The following DCTN5 variants were observed in gnomAD, a reference collection of about 807,000 sequenced individuals.
DCTN5 encodes the protein dynactin 4.
Under a neutral mutation model 23.5 loss-of-function variants are expected in DCTN5, and 14 were observed. That is an observed-to-expected ratio of 0.60 (90% CI 0.39 to 0.93). DCTN5 has a LOEUF of 0.93. DCTN5 is among the 40% of genes least tolerant of loss of function. The pLI, the probability that DCTN5 is intolerant of heterozygous loss-of-function variation, is 0.00. For synonymous variants in DCTN5, 67 were observed against 79.6 expected (o/e 0.84, Z 0.84); for missense variants, 156 against 225.9 (o/e 0.69, Z 1.98).
Position 23,665,698 on chromosome 16 carries a change from C to G in DCTN5, c.421C>G (p.Pro141Ala), listed in dbSNP as rs1345066616. ...AGTATTACCTCCAGAAACTGTGGTT[C>G]CACCATTCACTGTCTTCTCAGGCTG... The part of the protein sequence containing the change: ...NTVLPPETVV[P>A]PFTVFSGCPG... The change falls in exon 5 of 6, where the codon CCA (proline) becomes GCA (alanine). Residue 141 changes from proline (P) to alanine (A), a missense_variant. Physicochemically the swap from Pro to Ala is conservative, Grantham distance 27. This residue lies in a region of DCTN5 where 153 missense variants were observed against 206.8 expected (regional missense o/e 0.74). Coordinates refer to ENST00000300087, the MANE Select transcript of DCTN5 (RefSeq NM_032486.4). 1.2e-6 allele frequency: 2 copies of G among 1,614,100 alleles called. No individual in the cohort carries two copies. Among genetic ancestry groups the G allele is most frequent in the Admixed American group, 1.7e-5 (1 of 60,006 alleles).
intron 2 of DCTN5, among the ~76,000 whole-genome samples, chr16:23,657,750 T>A (rs968472315): frequency 9.2e-5 from 14 of 152,168 alleles, no homozygotes; most frequent in South Asian, 6.2e-4. Flanking sequence ...CCAGAAAAAA[T>A]TTTTTAATGA....
At position 23,669,787 on chromosome 16, in the gene DCTN5, G is replaced by A. The variant is rs1339456718; in HGVS notation, c.*2643G>A. 6.6e-6 allele frequency: 1 copy of A among 152,232 alleles called. No homozygotes were observed. The highest frequency in any genetic ancestry group is 2.4e-5 in the African/African-American group (1 of 41,422). 9.4% of individuals were successfully genotyped at this position (152,232 alleles called of 1,614,324 possible). Reference sequence around the variant, plus strand: ...AGGATACTCCACTGGGGGTACCTGAGCCTGGATTAGAGGGCAGGGGGAGGA... The same window carrying A: ...AGGATACTCCACTGGGGGTACCTGAACCTGGATTAGAGGGCAGGGGGAGGA... On this transcript the variant is annotated 3_prime_UTR_variant, in exon 6 of 6. Transcript: ENST00000300087.
rs1218502016 is a variant in DCTN5 at position 23,675,078 on chromosome 16, A to C, written c.*7934A>C. The C allele has an allele frequency of 6.6e-6, 1 of 152,198 alleles. No homozygotes were observed. The highest frequency in any genetic ancestry group is 1.5e-5 in the Non-Finnish European group (1 of 68,042). The allele number at this position is 152,198 out of a possible 1,614,324, so 9.4% of individuals were successfully genotyped here. A position where few individuals can be genotyped will look rare whatever the true frequency, so the allele number is the denominator to read the frequency against. On this transcript the variant is annotated 3_prime_UTR_variant, in exon 6 of 6. Coordinates refer to ENST00000300087, the MANE Select transcript of DCTN5 (RefSeq NM_032486.4). ...CATTTTGAGGTACAGGTAGATGGTTAGGGCTTCAGCATGAATTTTTGTGGG... is the reference window on the plus strand; with the variant it reads ...CATTTTGAGGTACAGGTAGATGGTTCGGGCTTCAGCATGAATTTTTGTGGG...
chr16:23,657,151 C>T (rs1967720489), intron 2 of DCTN5, among the ~76,000 whole-genome samples: 1 of 152,104 alleles, frequency 6.6e-6, no homozygotes, highest in Non-Finnish European at 1.5e-5. Flanking sequence ...GTATGTTAAT[C>T]CTTTGTTTAA....
rs991927085 is a variant in DCTN5, at chr16:23,672,493, C to T, written c.*5349C>T. On this transcript the variant is annotated 3_prime_UTR_variant, in exon 6 of 6. Coordinates refer to ENST00000300087, the MANE Select transcript of DCTN5 (RefSeq NM_032486.4). Reference sequence around the variant, plus strand: ...AGTCTATTGAGTTTAACCGACAGATCATACTGTGTTTTGGTAGGGAGGGAG... The same window carrying T: ...AGTCTATTGAGTTTAACCGACAGATTATACTGTGTTTTGGTAGGGAGGGAG... 2.6e-5 allele frequency: 4 copies of T among 152,136 alleles called. No individual in the cohort carries two copies. The highest frequency in any genetic ancestry group is 9.7e-5 in the African/African-American group (4 of 41,406). 9.4% of individuals were successfully genotyped at this position (152,136 alleles called of 1,614,324 possible).
chr16:23,642,066 G>A (rs1967289419), intron 1 of DCTN5, among the ~76,000 whole-genome samples: 2 of 152,018 alleles, frequency 1.3e-5, no homozygotes, highest in Non-Finnish European at 2.9e-5. Flanking sequence ...CGAGTAGCTG[G>A]GATTACAGGC....
Position 23,677,111 on chromosome 16 carries a change from G to A in DCTN5, c.*9967G>A, listed in dbSNP as rs1959233368. 1.3e-5 allele frequency: 2 copies of A among 152,264 alleles called. No individual in the cohort carries two copies. Among genetic ancestry groups the A allele is most frequent in the African/African-American group, 4.8e-5 (2 of 41,458 alleles). 9.4% of individuals were successfully genotyped at this position (152,264 alleles called of 1,614,324 possible). ...TGTGACTCTGCTGGGAGAGGACTGTGGGAGGCTTACACCTGGTTTCCCTGG... is the reference window on the plus strand; with the variant it reads ...TGTGACTCTGCTGGGAGAGGACTGTAGGAGGCTTACACCTGGTTTCCCTGG... On this transcript the variant is annotated 3_prime_UTR_variant, in exon 6 of 6. Transcript: ENST00000300087.
chr16:23,661,751 T>TAAAA lies in DCTN5; in HGVS notation c.348+472_348+475dup, dbSNP rs986689057. 5.3e-5 allele frequency among the ~76,000 whole-genome samples: 8 copies of TAAAA among 151,204 alleles called. 1 individual carries two copies. The highest frequency in any genetic ancestry group is 4.2e-4 in the South Asian group (2 of 4,776). ...ATAAATAAATAAATAAATAAATAAATAAAAAGATTTGGAATATTTTCTAGA... is the reference window on the plus strand; with the variant it reads ...ATAAATAAATAAATAAATAAATAAATAAAAAAAAAGATTTGGAATATTTTCTAGA... On this transcript the variant is annotated intron_variant, in intron 4 of 5. Transcript: ENST00000300087.
At chr16:23,666,564 C>T (rs1967910310) in intron 5 of DCTN5, 1 of 161,320 alleles carries the variant, frequency 6.2e-6, no homozygotes, top group African/African-American at 2.4e-5. Flanking sequence ...TCTTCTTCTC[C>T]ATGTTGTTTT....
rs574393051 is a variant in DCTN5 at position 23,674,267 on chromosome 16, C to T, written c.*7123C>T. On this transcript the variant is annotated 3_prime_UTR_variant, in exon 6 of 6. Transcript: ENST00000300087. ...TCCGTGGAGCGCTAAACTATGAAAA[C>T]GTCCTGGAACCTGGCTGAAAAGGGC... 6.6e-6 allele frequency: 1 copy of T among 152,304 alleles called. No homozygotes were observed. Among genetic ancestry groups the T allele is most frequent in the Non-Finnish European group, 1.5e-5 (1 of 68,032 alleles). The allele number at this position is 152,304 out of a possible 1,614,324, so 9.4% of individuals were successfully genotyped here.
chr16:23,647,496 T>C (rs1967492731), intron 2 of DCTN5, among the ~76,000 whole-genome samples: 1 of 123,216 alleles, frequency 8.1e-6, no homozygotes, highest in Non-Finnish European at 1.6e-5. Context: ...GGCTGTTTGC[T>C]TTTTTTTTTT....
chr16:23,672,168 T>G lies in DCTN5; in HGVS notation c.*5024T>G, dbSNP rs939135931. ...GAGAGCCCCAGGAACTGAAAAGGCC[T>G]GTGAGAGACTCTGAGCTTCCTGGGA... On this transcript the variant is annotated 3_prime_UTR_variant, in exon 6 of 6. Transcript: ENST00000300087. 1.3e-5 allele frequency: 2 copies of G among 152,214 alleles called. No homozygotes were observed. Among genetic ancestry groups the G allele is most frequent in the African/African-American group, 4.8e-5 (2 of 41,442 alleles). 9.4% of individuals were successfully genotyped at this position (152,214 alleles called of 1,614,324 possible). A position where few individuals can be genotyped will look rare whatever the true frequency, so the allele number is the denominator to read the frequency against.
rs971926430 is a variant in DCTN5 at position 23,673,548 on chromosome 16, G to A, written c.*6404G>A. The A allele has an allele frequency of 1.3e-5, 2 of 152,186 alleles. No homozygotes were observed. Among genetic ancestry groups the A allele is most frequent in the East Asian group, 1.9e-4 (1 of 5,204 alleles). 9.4% of individuals were successfully genotyped at this position (152,186 alleles called of 1,614,324 possible). A position where few individuals can be genotyped will look rare whatever the true frequency, so the allele number is the denominator to read the frequency against. On this transcript the variant is annotated 3_prime_UTR_variant, in exon 6 of 6. Coordinates refer to ENST00000300087, the MANE Select transcript of DCTN5 (RefSeq NM_032486.4). ...CTTAAAAAACATACCTTAGCTGGAC[G>A]CAGTGGCGTGCGCCTGTAGTCCCAG... is the stretch of plus-strand genomic sequence containing the variant.
Position 23,675,680 on chromosome 16 carries a change from G to A in DCTN5, c.*8536G>A, listed in dbSNP as rs1968075348. 6.6e-6 allele frequency: 1 copy of A among 152,094 alleles called. No homozygotes were observed. Among genetic ancestry groups the A allele is most frequent in the African/African-American group, 2.4e-5 (1 of 41,422 alleles). 9.4% of individuals were successfully genotyped at this position (152,094 alleles called of 1,614,324 possible). On this transcript the variant is annotated 3_prime_UTR_variant, in exon 6 of 6. Transcript: ENST00000300087. ...GAAAATAATTAAAGCCTGGCACCTGGGGAGGCTTGATCCCTGGAAGCCTCC... is the reference window on the plus strand; with the variant it reads ...GAAAATAATTAAAGCCTGGCACCTGAGGAGGCTTGATCCCTGGAAGCCTCC...
Position 23,677,429 on chromosome 16 carries a change from TA to T in DCTN5, c.*10288del. On this transcript the variant is annotated 3_prime_UTR_variant, in exon 6 of 6. Transcript: ENST00000300087. ...TGTACATTTTTTTCTGTAAGTGTAT[TA>T]AATTTCAATAAAAAGAATTCACACT... 6.6e-6 allele frequency: 1 copy of T among 152,374 alleles called. No individual in the cohort carries two copies. The highest frequency in any genetic ancestry group is 1.9e-4 in the East Asian group (1 of 5,196). 9.4% of individuals were successfully genotyped at this position (152,374 alleles called of 1,614,324 possible). A position where few individuals can be genotyped will look rare whatever the true frequency, so the allele number is the denominator to read the frequency against.
intron 4 of DCTN5, among the ~76,000 whole-genome samples, chr16:23,661,975 C>T (rs1172218536): frequency 6.6e-5 from 10 of 150,900 alleles, no homozygotes; most frequent in East Asian, 3.9e-4. Flanking sequence ...CAGCACTTTG[C>T]GAGGCCAAGG....
At chr16:23,646,662 C>T (rs191643891) in intron 2 of DCTN5, among the ~76,000 whole-genome samples, 10 of 152,118 alleles carry the variant, frequency 6.6e-5, no homozygotes, top group East Asian at 3.9e-4. Flanking sequence ...CTGCAACCTC[C>T]GCCTCCTGGG....
rs1968027059 is a variant in DCTN5 at position 23,672,624 on chromosome 16, G to A, written c.*5480G>A. 6.6e-6 allele frequency: 1 copy of A among 152,274 alleles called. No individual in the cohort carries two copies. Among genetic ancestry groups the A allele is most frequent in the African/African-American group, 2.4e-5 (1 of 41,458 alleles). 9.4% of individuals were successfully genotyped at this position (152,274 alleles called of 1,614,324 possible). On this transcript the variant is annotated 3_prime_UTR_variant, in exon 6 of 6. Coordinates refer to ENST00000300087, the MANE Select transcript of DCTN5 (RefSeq NM_032486.4). Reference sequence around the variant, plus strand: ...GTGGGTGTAGTTGGGAGTCAGCAGAGTTGGGTTGGAATTCAAGCTTTGCCA... The same window carrying A: ...GTGGGTGTAGTTGGGAGTCAGCAGAATTGGGTTGGAATTCAAGCTTTGCCA...
chr16:23,651,906 G>A (rs760124876), intron 2 of DCTN5, among the ~76,000 whole-genome samples: 1 of 152,126 alleles, frequency 6.6e-6, no homozygotes, highest in Non-Finnish European at 1.5e-5. Context: ...GTGATGGCAT[G>A]CGCCTGTAAT....
Sources: gnomAD v4.1 joint callset for allele counts (sites outside exome capture counted in the v4.1 genomes callset) on GRCh38, gnomAD v4.1.1 for gene constraint, gnomAD v4.1.1 regional missense constraint, MANE v1.5 for transcripts, NCBI Gene and HGNC (gene_info 2026-07-23, HGNC 2026-07-21) for gene names.